The following ECT2 variants were observed in gnomAD, a reference collection of about 807,000 sequenced individuals.
The protein encoded by ECT2 is epithelial cell transforming 2.
In ECT2, 61 loss-of-function variants were observed where a neutral mutation model predicts 116.9. That is an observed-to-expected ratio of 0.52 (90% CI 0.42 to 0.65). The LOEUF (loss-of-function observed/expected upper bound fraction) is 0.65. Among genes scored for constraint, ECT2 ranks in the 30% least tolerant of loss-of-function variants. ECT2 has a pLI of 0.00. For synonymous variants in ECT2, 358 were observed against 346.4 expected (o/e 1.03, Z -0.37); for missense variants, 937 against 1,078.7 (o/e 0.87, Z 1.84).
intron 13 of ECT2, chr3:172,771,360 G>C (rs1422451797): frequency 6.6e-6 from 1 of 152,138 alleles, no homozygotes; most frequent in African/African-American, 2.4e-5. Flanking sequence ...TGAATGTTTA[G>C]CTTGTCGTTA....
At position 172,807,780 on chromosome 3, in the gene ECT2, T is replaced by A; in HGVS notation, c.2256T>A (p.Asn752Lys). The A allele has an allele frequency of 6.2e-7, 1 of 1,612,520 alleles. No individual in the cohort carries two copies. The highest frequency in any genetic ancestry group is 8.5e-7 in the Non-Finnish European group (1 of 1,179,228). ...LDIRETEDCH[N>K]AFALLVRPPT... is the part of the protein sequence containing the mutation. The stretch of plus-strand genomic sequence containing the variant: ...ATTCTGGAACCCTAGATTGCCATAA[T>A]GCTTTTGCCTTGCTTGTGAGGCCAC... The change falls in exon 22 of 25, where the codon AAT (asparagine) becomes AAA (lysine). Residue 752 changes from asparagine to lysine, a missense_variant. Physicochemically the swap from Asn to Lys is moderately conservative, Grantham distance 94 (BLOSUM62 0). Transcript: ENST00000392692.
At position 172,820,220 on chromosome 3, in the gene ECT2, A is replaced by G; in HGVS notation, c.2728A>G (p.Thr910Ala). Reference sequence around the variant, plus strand: ...GAGAAGTCATACGTTAAGTAGATCTACAACTCATTTGATATGAAGCGTTAC... The same window carrying G: ...GAGAAGTCATACGTTAAGTAGATCTGCAACTCATTTGATATGAAGCGTTAC... The part of the protein sequence containing the change: ...ERRSHTLSRS[T>A]THLI Residue 910 changes from threonine (T) to alanine (A), a missense_variant, in exon 25 of 25, where the codon ACA becomes GCA. By Grantham distance (58) the Thr-to-Ala change is moderately conservative. Coordinates refer to ENST00000392692, the MANE Select transcript of ECT2 (RefSeq NM_001258315.2). The G allele has an allele frequency of 6.2e-7, 1 of 1,607,514 alleles. No individual in the cohort carries two copies. Among genetic ancestry groups the G allele is most frequent in the South Asian group, 1.1e-5 (1 of 90,034 alleles).
At position 172,818,662 on chromosome 3, in the gene ECT2, C is replaced by T. The variant is rs779391531; in HGVS notation, c.2656-1486C>T. 22 of 1,289,266 alleles carry T rather than the reference C, an allele frequency of 1.7e-5. 1 individual carries two copies. In the South Asian group the frequency reaches 2.5e-4, roughly 14 times the overall value. 79.9% of individuals were successfully genotyped at this position (1,289,266 alleles called of 1,614,324 possible). A position where few individuals can be genotyped will look rare whatever the true frequency, so the allele number is the denominator to read the frequency against. ...GTACTCCTGGTTTCAATCTGTACGT[C>T]ATTCTGCTTTCCGAGCTAGTTTTTC... On this transcript the variant is annotated intron_variant, in intron 24 of 24. Transcript: ENST00000392692.
rs5854485 is a variant in ECT2 at position 172,778,588 on chromosome 3, C to CTTTTTTT, written c.1549-3556_1549-3550dup. On this transcript the variant is annotated intron_variant, in intron 14 of 24. Coordinates refer to ENST00000392692, the MANE Select transcript of ECT2 (RefSeq NM_001258315.2). The stretch of plus-strand genomic sequence containing the variant: ...ACTTAGTTCCTGAGCTATTAGCTAT[C>CTTTTTTT]TTTTTTTTTTTTTTTTTTTTTTTTT... Among the ~76,000 whole-genome samples the CTTTTTTT allele has an allele frequency of 4.2e-4, 25 of 59,806 alleles. 1 individual carries two copies. The highest frequency in any genetic ancestry group is 1.3e-3 in the African/African-American group (22 of 16,746). The allele number at this position is 59,806 out of a possible 152,430, so 39.2% of individuals were successfully genotyped here.
chr3:172,798,987 T>C (rs1345590663), intron 18 of ECT2, among the ~76,000 whole-genome samples: 1 of 152,190 alleles, frequency 6.6e-6, no homozygotes, highest in African/African-American at 2.4e-5. Context: ...AAGTAAAATA[T>C]AAAGTCTGCC....
At chr3:172,797,499 T>C (rs1288518450) in intron 18 of ECT2, among the ~76,000 whole-genome samples, 1 of 152,254 alleles carries the variant, frequency 6.6e-6, no homozygotes, top group African/African-American at 2.4e-5. Flanking sequence ...TCTGCTGTTA[T>C]ATCCTGACAC....
intron 24 of ECT2, among the ~76,000 whole-genome samples, chr3:172,817,416 A>G (rs1194980363): frequency 6.6e-6 from 1 of 152,102 alleles, no homozygotes; most frequent in Non-Finnish European, 1.5e-5. Context: ...TCTCTGAGAA[A>G]AGAAACGCGT....
chr3:172,811,929 A>G (rs1307310658), intron 22 of ECT2, among the ~76,000 whole-genome samples: 1 of 151,814 alleles, frequency 6.6e-6, no homozygotes, highest in Non-Finnish European at 1.5e-5. Context: ...ATGACTTTTG[A>G]TACTTTCTAG....
chr3:172,762,626 T>C (rs980316456), intron 9 of ECT2, 65 bp from the exon 10 acceptor site: 1 of 1,578,968 alleles, frequency 6.3e-7, no homozygotes, highest in African/African-American at 1.4e-5. Flanking sequence ...AATATACCTC[T>C]TAAAAAATTT....
rs1560013982 is a variant in ECT2, at chr3:172,805,716, A to AT, written c.2107-11dup. 1.9e-6 allele frequency: 3 copies of AT among 1,606,634 alleles called. No homozygotes were observed. The Admixed American group carries it at 5.2e-5, about 28-fold the overall frequency. ...TCATTTTATTGACTGATACTTTTTT[A>AT]TTTTCTATAATCAGATAGCAAGAAA... On this transcript the variant is annotated splice_polypyrimidine_tract_variant and intron_variant, in intron 20 of 24. Transcript: ENST00000392692.
chr3:172,784,775 G>T lies in ECT2; in HGVS notation c.1797G>T (p.Arg599Ser). 2 of 1,609,328 alleles carry T rather than the reference G, an allele frequency of 1.2e-6. No homozygotes were observed. The highest frequency in any genetic ancestry group is 1.3e-5 in the African/African-American group (1 of 74,956). Reference sequence around the variant, plus strand: ...AACTTCTTATCCGACCAGTACAGAGGTTACCCAGTGTTGCATTACTTTTAA... The same window carrying T: ...AACTTCTTATCCGACCAGTACAGAGTTTACCCAGTGTTGCATTACTTTTAA... ...LVELLIRPVQRLPSVALLLND... is the reference protein window; with the variant it reads ...LVELLIRPVQSLPSVALLLND... Residue 599 changes from arginine to serine, a missense_variant, in exon 17 of 25, where the codon AGG becomes AGT. Arg to Ser is a moderately radical substitution (Grantham distance 110). Transcript: ENST00000392692.
intron 12 of ECT2, among the ~76,000 whole-genome samples, chr3:172,765,300 C>T (rs528008877): frequency 6.6e-6 from 1 of 152,136 alleles, no homozygotes; most frequent in East Asian, 1.9e-4. Flanking sequence ...CTTGGCCTAA[C>T]TTCTTTTTTT....
At chr3:172,807,551 C>T (rs1728003035) in intron 21 of ECT2, among the ~76,000 whole-genome samples, 1 of 152,064 alleles carries the variant, frequency 6.6e-6, no homozygotes, top group Non-Finnish European at 1.5e-5. Context: ...ATTAACTTAT[C>T]ATCATCATTA....
intron 22 of ECT2, among the ~76,000 whole-genome samples, chr3:172,809,064 C>T (rs979893496): frequency 2.0e-5 from 3 of 151,962 alleles, no homozygotes; most frequent in African/African-American, 7.2e-5. Flanking sequence ...CAAAACTGCT[C>T]ATTGTAAGGT....
At position 172,760,738 on chromosome 3, in the gene ECT2, T is replaced by TTTG. The variant is rs1463727009; in HGVS notation, c.684+475_684+476insTTG. Among the ~76,000 whole-genome samples, 188 of 129,450 alleles carry TTTG rather than the reference T, an allele frequency of 1.5e-3. 1 individual carries two copies. The highest frequency in any genetic ancestry group is 4.0e-3 in the South Asian group (16 of 3,978). 84.9% of individuals were successfully genotyped at this position (129,450 alleles called of 152,430 possible). On this transcript the variant is annotated intron_variant, in intron 7 of 24. Coordinates refer to ENST00000392692, the MANE Select transcript of ECT2 (RefSeq NM_001258315.2). Reference sequence around the variant, plus strand: ...TTTTTTTTTTTTTTTTTTTTTTTTTTGAGACTGAGTCTCTCTCTGTCACCC... The same window carrying TTTG: ...TTTTTTTTTTTTTTTTTTTTTTTTTTTTGGAGACTGAGTCTCTCTCTGTCACCC...
chr3:172,755,361 T>G lies in ECT2; in HGVS notation c.197T>G (p.Ile66Arg). Reference sequence around the variant, plus strand: ...GAAGCTGGAAAACAAGAAGAACTTATAAAAGCCTTAAAGGTACGGAGTTTT... The same window carrying G: ...GAAGCTGGAAAACAAGAAGAACTTAGAAAAGCCTTAAAGGTACGGAGTTTT... ...VQEAGKQEEL[I>R]KALKTIKIME... The change falls in exon 3 of 25, where the codon ATA becomes AGA. Residue 66 changes from isoleucine (I) to arginine (R), a missense_variant. Transcript: ENST00000392692. 1 of 1,605,040 alleles carries G rather than the reference T, an allele frequency of 6.2e-7. No homozygotes were observed. The highest frequency in any genetic ancestry group is 8.5e-7 in the Non-Finnish European group (1 of 1,177,736).
intron 15 of ECT2, among the ~76,000 whole-genome samples, chr3:172,782,838 G>A (rs1436597473): frequency 1.3e-5 from 2 of 151,318 alleles, no homozygotes; most frequent in Non-Finnish European, 2.9e-5. Context: ...ATGCCCTCCA[G>A]TTCCATCTAT....
At chr3:172,790,285 C>T (rs1258105490) in intron 18 of ECT2, among the ~76,000 whole-genome samples, 1 of 152,098 alleles carries the variant, frequency 6.6e-6, no homozygotes, top group Non-Finnish European at 1.5e-5. Flanking sequence ...AGATAATTGG[C>T]TGATGCCCTC....
intron 6 of ECT2, among the ~76,000 whole-genome samples, chr3:172,759,778 G>T (rs1220299779): frequency 6.6e-6 from 1 of 152,098 alleles, no homozygotes; most frequent in African/African-American, 2.4e-5. Context: ...ATACTTTGTT[G>T]TTGGAACTGA....
Sources: gnomAD v4.1 joint callset for allele counts (sites outside exome capture counted in the v4.1 genomes callset) on GRCh38, gnomAD v4.1.1 for gene constraint, MANE v1.5 for transcripts, NCBI Gene and HGNC (gene_info 2026-07-23, HGNC 2026-07-21) for gene names.